Variants in UNC5B observed in about 807,000 individuals in gnomAD.
UNC5B encodes netrin receptor UNC5B.
Under a neutral mutation model 103.7 loss-of-function variants are expected in UNC5B, and 56 were observed. The observed-to-expected ratio is 0.54, with a 90% confidence interval of 0.44 to 0.67. The LOEUF (loss-of-function observed/expected upper bound fraction) is 0.67, where lower values mean the gene tolerates loss of function less well. Among genes scored for constraint, UNC5B ranks in the 30% least tolerant of loss-of-function variants. The pLI is 0.00. For missense variants in UNC5B, 1,194 were observed against 1,284.5 expected, an observed-to-expected ratio of 0.93 and a Z score of 1.08; for synonymous variants, 577 against 542.0, an observed-to-expected ratio of 1.06 and a Z score of -0.90.
chr10:71,294,973 C>T (rs926154325), intron 13 of UNC5B, among the ~76,000 whole-genome samples: 6 of 152,194 alleles, frequency 3.9e-5, no homozygotes, highest in South Asian at 2.1e-4. Flanking sequence ...CTTCCCCTCC[C>T]TCCTCCCATC....
chr10:71,287,635 C>T lies in UNC5B; in HGVS notation c.771C>T (p.Pro257=). The change falls in exon 6 of 17, where the codon CCC becomes CCT. Residue 257 remains proline, a synonymous_variant. Coordinates refer to ENST00000335350, the MANE Select transcript of UNC5B (RefSeq NM_170744.5). ...GGWSSWAEWS[P]CSNRCGRGWQ... Reference sequence around the variant, plus strand: ...GGTCCAGCTGGGCAGAGTGGTCACCCTGCTCCAACCGCTGTGGCCGAGGCT... The same window carrying T: ...GGTCCAGCTGGGCAGAGTGGTCACCTTGCTCCAACCGCTGTGGCCGAGGCT... 6.2e-7 allele frequency: 1 copy of T among 1,611,360 alleles called. No individual in the cohort carries two copies. Among genetic ancestry groups the T allele is most frequent in the African/African-American group, 1.3e-5 (1 of 74,946 alleles).
At chr10:71,233,989 C>A (rs578079992) in intron 1 of UNC5B, among the ~76,000 whole-genome samples, 1 of 152,372 alleles carries the variant, frequency 6.6e-6, no homozygotes, top group East Asian at 1.9e-4. Context: ...TGATGCTTCT[C>A]TGCCTGATGA....
intron 1 of UNC5B, among the ~76,000 whole-genome samples, chr10:71,265,620 C>A (rs1844506562): frequency 6.6e-6 from 1 of 152,238 alleles, no homozygotes; most frequent in African/African-American, 2.4e-5. Context: ...AGGAACATGT[C>A]TTTGCTCTCT....
intron 1 of UNC5B, among the ~76,000 whole-genome samples, chr10:71,214,016 C>T (rs942648736): frequency 6.6e-6 from 1 of 152,070 alleles, no homozygotes; most frequent in Admixed American, 6.6e-5. Context: ...TGCGTCTTCT[C>T]GGGGAGGCTG....
intron 1 of UNC5B, among the ~76,000 whole-genome samples, chr10:71,253,815 G>T (rs958007505): frequency 3.3e-5 from 5 of 152,112 alleles, no homozygotes; most frequent in Admixed American, 3.3e-4. Context: ...GCAGGGGTCC[G>T]CAGGACACTA....
intron 1 of UNC5B, chr10:71,217,441 C>G (rs1162058431): frequency 3.9e-5 from 6 of 152,206 alleles, no homozygotes; most frequent in African/African-American, 7.2e-5. Context: ...CCATGCATTT[C>G]CCTGAGGCAG....
Position 71,289,036 on chromosome 10 carries a change from G to C in UNC5B, c.1099+46G>C, listed in dbSNP as rs1478119764. On this transcript the variant is annotated intron_variant, in intron 8 of 16. Coordinates refer to ENST00000335350, the MANE Select transcript of UNC5B (RefSeq NM_170744.5). ...GTCCTCTTTCCTCTGGGGGATCCCT[G>C]GTTCTCTTTGGCTGGCTTTTCCCGG... 3.7e-6 allele frequency: 6 copies of C among 1,613,940 alleles called. No individual in the cohort carries two copies. In the East Asian group the frequency reaches 8.9e-5, roughly 24 times the overall value.
chr10:71,236,072 C>T (rs1427953196), intron 1 of UNC5B, among the ~76,000 whole-genome samples: 8 of 152,212 alleles, frequency 5.3e-5, no homozygotes, highest in African/African-American at 1.7e-4. Context: ...GCCTTCTGGT[C>T]GGGGCAGGAG....
chr10:71,243,663 C>T (rs899139561), intron 1 of UNC5B, among the ~76,000 whole-genome samples: 11 of 152,160 alleles, frequency 7.2e-5, no homozygotes, highest in Non-Finnish European at 1.6e-4. Context: ...CCACCCCCTC[C>T]TCAGAGGCCA....
At chr10:71,241,375 G>T (rs766569415) in intron 1 of UNC5B, among the ~76,000 whole-genome samples, 11 of 152,170 alleles carry the variant, frequency 7.2e-5, no homozygotes, top group Non-Finnish European at 1.6e-4. Context: ...CACCTGGCTT[G>T]TAAAGACACA....
intron 1 of UNC5B, among the ~76,000 whole-genome samples, chr10:71,274,391 T>G (rs1331893007): frequency 1.3e-5 from 2 of 152,020 alleles, no homozygotes; most frequent in African/African-American, 2.4e-5. Context: ...AAATAGAAAT[T>G]AGAAGTCTAG....
chr10:71,235,874 C>T (rs1843766780), intron 1 of UNC5B, among the ~76,000 whole-genome samples: 2 of 152,216 alleles, frequency 1.3e-5, no homozygotes, highest in Admixed American at 1.3e-4. Context: ...CAGAGGGACC[C>T]ATGTGGAAGG....
At chr10:71,252,456 C>T (rs72808487) in intron 1 of UNC5B, among the ~76,000 whole-genome samples, 448 of 152,348 alleles carry the variant, frequency 2.9e-3, no homozygotes, top group Non-Finnish European at 5.3e-3. Context: ...TCATTCCTCT[C>T]ATCTCACAAT....
At chr10:71,284,636 T>C in intron 2 of UNC5B, 84 bp from the exon 3 acceptor site, 2 of 1,585,074 alleles carry the variant, frequency 1.3e-6, no homozygotes, top group Non-Finnish European at 1.7e-6. Flanking sequence ...GCCAGCAGGA[T>C]CCGAGGTGGA....
intron 1 of UNC5B, among the ~76,000 whole-genome samples, chr10:71,227,859 C>T (rs1429492948): frequency 1.3e-5 from 2 of 151,744 alleles, no homozygotes; most frequent in African/African-American, 2.4e-5. Context: ...TAGTATTCAC[C>T]GCTAGAGGTA....
chr10:71,268,259 G>A (rs992115106), intron 1 of UNC5B, among the ~76,000 whole-genome samples: 6 of 152,308 alleles, frequency 3.9e-5, no homozygotes, highest in African/African-American at 7.2e-5. Flanking sequence ...TGTTTATCTC[G>A]CCCATTTGCC....
Position 71,288,998 on chromosome 10 carries a change from C to T in UNC5B, c.1099+8C>T, listed in dbSNP as rs377398652. The T allele has an allele frequency of 3.7e-5, 60 of 1,614,094 alleles. No homozygotes were observed. Among genetic ancestry groups the T allele is most frequent in the Non-Finnish European group, 4.5e-5 (53 of 1,180,044 alleles). ...GCGACCCCAACAGCCACCGTAAGTCCCATTTCATGGCTGTCCTCTTTCCTC... is the reference window on the plus strand; with the variant it reads ...GCGACCCCAACAGCCACCGTAAGTCTCATTTCATGGCTGTCCTCTTTCCTC... On this transcript the variant is annotated splice_region_variant and intron_variant, in intron 8 of 16. Coordinates refer to ENST00000335350, the MANE Select transcript of UNC5B (RefSeq NM_170744.5).
rs544312348 is a variant in UNC5B at position 71,262,949 on chromosome 10, G to A, written c.80-16872G>A. Among the ~76,000 whole-genome samples, 4 of 152,244 alleles carry A rather than the reference G, an allele frequency of 2.6e-5. 1 individual carries two copies. The highest frequency in any genetic ancestry group is 4.1e-4 in the South Asian group (2 of 4,834). ...TATATAACTTGAAAAGGTAATGAGG[G>A]TAATAAGGAAAAGAGATGCCAGACG... On this transcript the variant is annotated intron_variant, in intron 1 of 16. Coordinates refer to ENST00000335350, the MANE Select transcript of UNC5B (RefSeq NM_170744.5).
intron 1 of UNC5B, among the ~76,000 whole-genome samples, chr10:71,261,201 C>T (rs1390821522): frequency 1.3e-5 from 2 of 152,134 alleles, no homozygotes; most frequent in Non-Finnish European, 2.9e-5. Flanking sequence ...CCCTGTTTTT[C>T]CCTTGGGTTG....
Sources: gnomAD v4.1 joint callset for allele counts (sites outside exome capture counted in the v4.1 genomes callset) on GRCh38, gnomAD v4.1.1 for gene constraint, MANE v1.5 for transcripts, NCBI Gene and HGNC (gene_info 2026-07-23, HGNC 2026-07-21) for gene names.